ERBB4: variants seen among roughly 807,000 people sequenced by gnomAD.
ERBB4 encodes the protein receptor tyrosine-protein kinase erbB-4.
A neutral mutation model predicts 158.0 loss-of-function variants in ERBB4; 42 were observed. The ratio of observed to expected loss-of-function variants is 0.27; its 90% confidence interval spans 0.21 to 0.34. The LOEUF (loss-of-function observed/expected upper bound fraction) is 0.34, where lower values mean the gene tolerates loss of function less well. Among genes scored for constraint, ERBB4 ranks in the 10% least tolerant of loss-of-function variants. The pLI is 1.00. For missense variants in ERBB4, 1,333 were observed against 1,624.1 expected (o/e 0.82, Z 3.08); for synonymous variants, 583 against 558.7 (o/e 1.04, Z -0.61).
chr2:212,120,808 A>C (rs969867107), intron 2 of ERBB4, among the ~76,000 whole-genome samples: 2 of 152,182 alleles, frequency 1.3e-5, no homozygotes, highest in Admixed American at 6.5e-5. Context: ...CATTATAAGA[A>C]ATTTGGTGCA....
At chr2:211,786,001 A>C (rs1402968207) in intron 4 of ERBB4, among the ~76,000 whole-genome samples, 4 of 152,206 alleles carry the variant, frequency 2.6e-5, no homozygotes, top group African/African-American at 4.8e-5. Context: ...AAAAATATTA[A>C]AAATTCAGAG....
At chr2:212,249,894 G>T (rs2084466177) in intron 1 of ERBB4, among the ~76,000 whole-genome samples, 1 of 151,968 alleles carries the variant, frequency 6.6e-6, no homozygotes, top group South Asian at 2.1e-4. Flanking sequence ...ATATAGTAAA[G>T]AAGCTTGACA....
intron 2 of ERBB4, among the ~76,000 whole-genome samples, chr2:212,105,470 T>G (rs2079197970): frequency 6.6e-6 from 1 of 152,180 alleles, no homozygotes; most frequent in South Asian, 2.1e-4. Flanking sequence ...AACAAAGAAT[T>G]CCTAAGGCTC....
At chr2:211,576,052 G>C (rs971287900) in intron 19 of ERBB4, among the ~76,000 whole-genome samples, 2 of 152,024 alleles carry the variant, frequency 1.3e-5, no homozygotes. Flanking sequence ...GGATCCAGTT[G>C]GAGGTAACAG....
chr2:211,584,514 G>A (rs2068204718), intron 19 of ERBB4, among the ~76,000 whole-genome samples: 1 of 151,962 alleles, frequency 6.6e-6, no homozygotes, highest in Non-Finnish European at 1.5e-5. Context: ...TCTAATGTTG[G>A]TTTCTTGATC....
intron 2 of ERBB4, among the ~76,000 whole-genome samples, chr2:212,053,508 C>T (rs1180010676): frequency 6.6e-6 from 1 of 152,112 alleles, no homozygotes; most frequent in African/African-American, 2.4e-5. Context: ...TGCCTCTAGC[C>T]TTGCTCCTCT....
Position 211,387,062 on chromosome 2 carries a change from G to A in ERBB4, c.3272C>T (p.Ala1091Val), listed in dbSNP as rs2062700484. Residue 1091 changes from alanine to valine, a missense_variant, in exon 27 of 28, where the codon GCT becomes GTT. By Grantham distance (64) the Ala-to-Val change is moderately conservative. Around this residue, in one of 5 missense-constraint regions of ERBB4, gnomAD observed 252 missense variants for 241.3 expected, o/e 1.04. Coordinates refer to ENST00000342788, the MANE Select transcript of ERBB4 (RefSeq NM_005235.3). ...AGCAGTAGCACCCTGTGCCACAGGA[G>A]CTTCTGGAATTGTGCTAGTTGGGGC... The part of the protein sequence containing the change: ...YRAPTSTIPE[A>V]PVAQGATAEI... 2 of 1,613,978 alleles carry A rather than the reference G, an allele frequency of 1.2e-6. No individual in the cohort carries two copies. The highest frequency in any genetic ancestry group is 8.5e-7 in the Non-Finnish European group (1 of 1,179,868).
At chr2:211,421,906 T>C in intron 24 of ERBB4, 101 bp downstream of exon 24, 1 of 771,130 alleles carries the variant, frequency 1.3e-6, no homozygotes, top group Non-Finnish European at 2.3e-6. Flanking sequence ...TTAATCAACA[T>C]GTTTGTGGTC....
intron 1 of ERBB4, among the ~76,000 whole-genome samples, chr2:212,535,950 GC>G (rs1693032594): frequency 6.6e-6 from 1 of 152,154 alleles, no homozygotes; most frequent in Non-Finnish European, 1.5e-5. Flanking sequence ...TCAAAAATAT[GC>G]CACTTTCCCC....
chr2:211,614,451 C>T (rs1413876936), intron 19 of ERBB4, among the ~76,000 whole-genome samples: 1 of 151,932 alleles, frequency 6.6e-6, no homozygotes, highest in Non-Finnish European at 1.5e-5. Flanking sequence ...AGGATAAATG[C>T]TTGAAGGGAT....
chr2:211,949,285 T>C (rs2080806484), intron 2 of ERBB4, among the ~76,000 whole-genome samples: 1 of 152,140 alleles, frequency 6.6e-6, no homozygotes, highest in Non-Finnish European at 1.5e-5. Context: ...ACTTCAGTGC[T>C]TAAAACTCTG....
chr2:211,610,204 T>C (rs2069143012), intron 19 of ERBB4, among the ~76,000 whole-genome samples: 1 of 152,142 alleles, frequency 6.6e-6, no homozygotes, highest in East Asian at 1.9e-4. Flanking sequence ...GTCTTTTTAT[T>C]AGACTTATTA....
At chr2:212,100,506 A>G (rs1021492498) in intron 2 of ERBB4, among the ~76,000 whole-genome samples, 2 of 152,202 alleles carry the variant, frequency 1.3e-5, no homozygotes, top group Non-Finnish European at 2.9e-5. Context: ...GTGTGTCTCT[A>G]TAAGTATTCA....
chr2:212,442,998 A>G (rs2092284525), intron 1 of ERBB4, among the ~76,000 whole-genome samples: 3 of 152,228 alleles, frequency 2.0e-5, no homozygotes, highest in Non-Finnish European at 2.9e-5. Flanking sequence ...TGTGACTCCA[A>G]TTGCAGCTCT....
intron 2 of ERBB4, among the ~76,000 whole-genome samples, chr2:212,045,054 C>T (rs1181071709): frequency 6.6e-6 from 1 of 152,048 alleles, no homozygotes; most frequent in Non-Finnish European, 1.5e-5. Flanking sequence ...TGTTTATTGA[C>T]CAAAAAATAA....
chr2:211,778,325 T>C (rs1472195547), intron 4 of ERBB4: 1 of 152,168 alleles, frequency 6.6e-6, no homozygotes, highest in Non-Finnish European at 1.5e-5. Context: ...CTGTACCTGT[T>C]ATTCGGCACA....
At chr2:211,994,137 A>G (rs2082142026) in intron 2 of ERBB4, among the ~76,000 whole-genome samples, 1 of 151,908 alleles carries the variant, frequency 6.6e-6, no homozygotes, top group African/African-American at 2.4e-5. Flanking sequence ...TCATCTATCT[A>G]TCTGTCTATC....
At chr2:212,009,721 T>C (rs925152296) in intron 2 of ERBB4, among the ~76,000 whole-genome samples, 1 of 152,172 alleles carries the variant, frequency 6.6e-6, no homozygotes, top group Non-Finnish European at 1.5e-5. Context: ...ATTGAGCTAA[T>C]CATTCCTCCC....
intron 1 of ERBB4, among the ~76,000 whole-genome samples, chr2:212,218,180 C>T (rs1321542461): frequency 2.0e-5 from 3 of 151,186 alleles, no homozygotes; most frequent in Non-Finnish European, 3.0e-5. Context: ...TTATAAGTTG[C>T]ACATAATTAC....
Sources: allele counts gnomAD v4.1 joint callset (sites outside exome capture counted in the v4.1 genomes callset), GRCh38; gene constraint gnomAD v4.1.1; regional missense constraint gnomAD v4.1.1; transcripts MANE v1.5; gene names NCBI Gene and HGNC (gene_info 2026-07-23, HGNC 2026-07-21).